Variants in PLB1 observed in about 807,000 individuals in gnomAD.
The protein encoded by PLB1 is phospholipase B1, membrane-associated.
In PLB1, 242 loss-of-function variants were observed where a neutral mutation model predicts 227.4. The observed-to-expected ratio is 1.06, with a 90% CI of 0.96 to 1.18. The LOEUF is 1.18. Among genes scored for constraint, PLB1 ranks in the 50% most tolerant of loss-of-function variants. PLB1 has a pLI of 0.00. For missense variants in PLB1, 1,858 were observed against 1,816.3 expected (o/e 1.02, Z -0.42); for synonymous variants, 757 against 682.2 (o/e 1.11, Z -1.71).
At chr2:28,517,984 G>A (rs955861223) in intron 2 of PLB1, among the ~76,000 whole-genome samples, 6 of 150,070 alleles carry the variant, frequency 4.0e-5, no homozygotes, top group Admixed American at 2.0e-4. Flanking sequence ...AGTGATTCTC[G>A]TGCCTCAGCC....
chr2:28,534,752 G>C (rs1671457479), intron 9 of PLB1, among the ~76,000 whole-genome samples: 1 of 152,112 alleles, frequency 6.6e-6, no homozygotes, highest in African/African-American at 2.4e-5. Flanking sequence ...TACTCGGGAG[G>C]CTGAGGCAGG....
At chr2:28,599,044 A>G (rs1186825987) in intron 35 of PLB1, among the ~76,000 whole-genome samples, 1 of 152,236 alleles carries the variant, frequency 6.6e-6, no homozygotes, top group African/African-American at 2.4e-5. Context: ...TCCAATGTTT[A>G]CAACTCACCA....
chr2:28,520,891 C>T (rs1669441986), intron 4 of PLB1, among the ~76,000 whole-genome samples: 1 of 152,218 alleles, frequency 6.6e-6, no homozygotes, highest in Admixed American at 6.5e-5. Context: ...AGGAGAATCG[C>T]TTGAACCCAG....
intron 18 of PLB1, 44 bp from the exon 19 acceptor site, chr2:28,565,236 C>T: frequency 1.3e-6 from 2 of 1,555,728 alleles, no homozygotes; most frequent in Non-Finnish European, 1.8e-6. Context: ...AGGTGGGCCA[C>T]TGGGGAAAGC....
chr2:28,585,810 G>T lies in PLB1; in HGVS notation c.1783G>T (p.Ala595Ser). The T allele has an allele frequency of 6.2e-7, 1 of 1,612,456 alleles. No homozygotes were observed. The highest frequency in any genetic ancestry group is 8.5e-7 in the Non-Finnish European group (1 of 1,178,446). Reference sequence around the variant, plus strand: ...GTTTGATGATAACTCAACAGAACTTGCTACCCTCATCGAATTCAACAAGAA... The same window carrying T: ...GTTTGATGATAACTCAACAGAACTTTCTACCCTCATCGAATTCAACAAGAA... ...LKFDDNSTELATLIEFNKKFQ... is the reference protein window; with the variant it reads ...LKFDDNSTELSTLIEFNKKFQ... Residue 595 changes from alanine (A) to serine (S), a missense_variant, in exon 26 of 58, where the codon GCT becomes TCT. Physicochemically the swap from Ala to Ser is moderately conservative, Grantham distance 99. Coordinates refer to ENST00000327757, the MANE Select transcript of PLB1 (RefSeq NM_153021.5).
At chr2:28,620,113 C>T (rs556109649) in intron 46 of PLB1, 152 bp from the exon 47 acceptor site, 3 of 522,492 alleles carry the variant, frequency 5.7e-6, no homozygotes, top group African/African-American at 2.0e-5. Flanking sequence ...TGTATCAAGA[C>T]CACTCCAAGT....
At chr2:28,525,441 T>A in intron 5 of PLB1, 134 bp downstream of exon 5, 1 of 1,009,964 alleles carries the variant, frequency 9.9e-7, no homozygotes, top group Non-Finnish European at 1.5e-6. Context: ...TCTGAGAAGG[T>A]AGCAGAGAAG....
intron 17 of PLB1, among the ~76,000 whole-genome samples, chr2:28,554,784 T>C (rs1221179514): frequency 6.6e-6 from 1 of 152,190 alleles, no homozygotes; most frequent in Non-Finnish European, 1.5e-5. Flanking sequence ...CATTAGAGCA[T>C]ATCTCAACAT....
intron 31 of PLB1, among the ~76,000 whole-genome samples, chr2:28,591,997 C>T (rs559739418): frequency 7.9e-5 from 12 of 152,310 alleles, no homozygotes; most frequent in Non-Finnish European, 1.5e-4. Flanking sequence ...TGCCCACCTG[C>T]GCCTCTTAGA....
intron 1 of PLB1, among the ~76,000 whole-genome samples, chr2:28,506,319 T>G (rs1034333265): frequency 1.4e-4 from 21 of 151,432 alleles, no homozygotes; most frequent in African/African-American, 4.9e-4. Flanking sequence ...ATGTGGGAGG[T>G]GAAACTCAAT....
rs551548326 is a variant in PLB1, at chr2:28,537,478, G to A, written c.556-841G>A. On this transcript the variant is annotated intron_variant, in intron 9 of 57. Transcript: ENST00000327757. ...GGCCGAGGTAGGTGGATCATTTGAGGTCAGGAGTTTGAGACCAGCCTGGCC... is the reference window on the plus strand; with the variant it reads ...GGCCGAGGTAGGTGGATCATTTGAGATCAGGAGTTTGAGACCAGCCTGGCC... Among the ~76,000 whole-genome samples, 17 of 152,120 alleles carry A rather than the reference G, an allele frequency of 1.1e-4. No homozygotes were observed. The South Asian group carries it at 2.7e-3, about 24-fold the overall frequency.
intron 56 of PLB1, 107 bp from the exon 57 acceptor site, chr2:28,640,820 C>A: frequency 8.4e-7 from 1 of 1,183,490 alleles, no homozygotes; most frequent in Non-Finnish European, 1.2e-6. Context: ...TGGTTTCTAT[C>A]CCCCACCCCG....
At chr2:28,498,190 T>G (rs983309555) in intron 1 of PLB1, among the ~76,000 whole-genome samples, 1 of 151,654 alleles carries the variant, frequency 6.6e-6, no homozygotes, top group African/African-American at 2.4e-5. Flanking sequence ...GGGATTGACT[T>G]TTATGAATAG....
rs538070480 is a variant in PLB1, at chr2:28,641,716, G to A, written c.4173+715G>A. Among the ~76,000 whole-genome samples the A allele has an allele frequency of 3.3e-5, 5 of 152,146 alleles. 1 individual carries two copies. In the South Asian group the frequency reaches 1.0e-3, roughly 32 times the overall value. On this transcript the variant is annotated intron_variant, in intron 57 of 57. Transcript: ENST00000327757. ...GTGTCTGTTCCTGGAGCCTGCAATG[G>A]TCTTCCTCCCTCGCCACACCCACTG...
intron 8 of PLB1, among the ~76,000 whole-genome samples, chr2:28,531,110 G>A (rs1670951185): frequency 6.6e-6 from 1 of 152,172 alleles, no homozygotes. Context: ...CACAAGAAAT[G>A]CATGTTCATA....
intron 43 of PLB1, among the ~76,000 whole-genome samples, chr2:28,607,337 C>T (rs879845879): frequency 1.4e-4 from 22 of 152,156 alleles, no homozygotes; most frequent in Admixed American, 8.5e-4. Context: ...TCCCACCCTC[C>T]CTGCTGGGGA....
At position 28,591,145 on chromosome 2, in the gene PLB1, C is replaced by T; in HGVS notation, c.2101C>T (p.Leu701=). 1 of 1,614,198 alleles carries T rather than the reference C, an allele frequency of 6.2e-7. No individual in the cohort carries two copies. The highest frequency in any genetic ancestry group is 8.5e-7 in the Non-Finnish European group (1 of 1,180,028). The change falls in exon 30 of 58, where the codon CTG becomes TTG. Residue 701 remains leucine, a synonymous_variant. Transcript: ENST00000327757. ...ITCPNQVQPF[L]RTYKNSMQGH... is the part of the protein sequence containing the mutation. ...CCTCTCCTCACAGGTCCAGCCGTTT[C>T]TGAGGACCTACAAGAACAGCATGCA...
intron 20 of PLB1, among the ~76,000 whole-genome samples, chr2:28,572,594 A>G (rs2148254486): frequency 6.6e-6 from 1 of 152,372 alleles, no homozygotes; most frequent in African/African-American, 2.4e-5. Flanking sequence ...GTACAGTTGC[A>G]TGCTACAACA....
intron 44 of PLB1, among the ~76,000 whole-genome samples, chr2:28,615,536 C>A (rs1534481): frequency 0.43 from 64,883 of 152,038 alleles, 14,658 homozygotes; most frequent in East Asian, 0.88. Context: ...GGGGTGCAAG[C>A]AATACCAGAT....
Sources: allele counts gnomAD v4.1 joint callset (sites outside exome capture counted in the v4.1 genomes callset), GRCh38; gene constraint gnomAD v4.1.1; transcripts MANE v1.5; gene names NCBI Gene and HGNC (gene_info 2026-07-23, HGNC 2026-07-21).